The following ERBB4 variants were observed in gnomAD, a reference collection of about 807,000 sequenced individuals.
ERBB4 encodes the protein receptor tyrosine-protein kinase erbB-4.
A neutral mutation model predicts 158.0 loss-of-function variants in ERBB4; 42 were observed. The ratio of observed to expected loss-of-function variants is 0.27; its 90% CI spans 0.21 to 0.34. ERBB4 has a LOEUF of 0.34. Ranked by LOEUF, ERBB4 falls within the 10% of genes least tolerant of loss-of-function variation. The probability of loss-of-function intolerance (pLI) is 1.00; values close to 1 mark genes in which losing one functional copy is unlikely to be tolerated. For missense variants in ERBB4, 1,333 were observed against 1,624.1 expected (o/e 0.82, Z 3.08); for synonymous variants, 583 against 558.7 (o/e 1.04, Z -0.61).
chr2:212,357,354 A>C (rs1272762808), intron 1 of ERBB4, among the ~76,000 whole-genome samples: 1 of 151,920 alleles, frequency 6.6e-6, no homozygotes, highest in East Asian at 1.9e-4. Flanking sequence ...GCTCAAGTGG[A>C]TCCATCTGTC....
intron 3 of ERBB4, among the ~76,000 whole-genome samples, chr2:211,861,112 TA>T (rs1245236596): frequency 0.026 from 756 of 28,934 alleles, 73 homozygotes; most frequent in East Asian, 0.051. Context: ...TATATATATT[TA>T]TATATATATT....
intron 12 of ERBB4, among the ~76,000 whole-genome samples, chr2:211,680,595 A>C (rs2072292348): frequency 6.6e-6 from 1 of 152,192 alleles, no homozygotes; most frequent in Non-Finnish European, 1.5e-5. Context: ...TGTGAAAGTT[A>C]ACTTCTCTAA....
At chr2:211,694,167 G>A (rs182174756) in intron 12 of ERBB4, among the ~76,000 whole-genome samples, 1 of 152,240 alleles carries the variant, frequency 6.6e-6, no homozygotes, top group East Asian at 1.9e-4. Context: ...CAGGGGTCAG[G>A]ACTTCAGCAT....
intron 1 of ERBB4, among the ~76,000 whole-genome samples, chr2:212,138,259 T>C (rs1310294880): frequency 1.3e-5 from 2 of 152,158 alleles, no homozygotes; most frequent in Non-Finnish European, 2.9e-5. Context: ...TCGTTTTGTA[T>C]AAAAGTTAGA....
intron 1 of ERBB4, among the ~76,000 whole-genome samples, chr2:212,382,200 AT>A (rs1440099669): frequency 8.0e-6 from 1 of 125,696 alleles, no homozygotes. Flanking sequence ...ACACATATAA[AT>A]ATATATTATA....
At chr2:212,137,295 A>G (rs1264403912) in intron 1 of ERBB4, among the ~76,000 whole-genome samples, 1 of 152,080 alleles carries the variant, frequency 6.6e-6, no homozygotes, top group Non-Finnish European at 1.5e-5. Flanking sequence ...CTTAGTACAC[A>G]TTAGTTATTT....
intron 1 of ERBB4, among the ~76,000 whole-genome samples, chr2:212,509,660 A>T (rs1205557474): frequency 6.6e-6 from 1 of 152,032 alleles, no homozygotes; most frequent in African/African-American, 2.4e-5. Context: ...ACAAATTTCA[A>T]TTCTGCCTCC....
intron 3 of ERBB4, among the ~76,000 whole-genome samples, chr2:211,857,963 G>A (rs183709864): frequency 1.3e-5 from 2 of 152,334 alleles, no homozygotes; most frequent in East Asian, 3.9e-4. Flanking sequence ...TCCAGGATCT[G>A]AGAAGTTATT....
At chr2:211,520,461 C>T (rs961016088) in intron 20 of ERBB4, among the ~76,000 whole-genome samples, 8 of 152,024 alleles carry the variant, frequency 5.3e-5, no homozygotes, top group South Asian at 2.1e-4. Flanking sequence ...TTCTGTACTG[C>T]CTGCAAACTA....
chr2:212,487,377 A>G (rs1223463101), intron 1 of ERBB4, among the ~76,000 whole-genome samples: 2 of 152,140 alleles, frequency 1.3e-5, no homozygotes, highest in South Asian at 2.1e-4. Context: ...AAAACACTAT[A>G]AAATCCTTAT....
chr2:212,289,300 C>T (rs1177065098), intron 1 of ERBB4, among the ~76,000 whole-genome samples: 1 of 152,036 alleles, frequency 6.6e-6, no homozygotes, highest in Non-Finnish European at 1.5e-5. Context: ...TCTTTTTAAG[C>T]AGAGAACTCC....
At chr2:211,978,953 T>C (rs957001370) in intron 2 of ERBB4, among the ~76,000 whole-genome samples, 1 of 152,152 alleles carries the variant, frequency 6.6e-6, no homozygotes, top group Non-Finnish European at 1.5e-5. Context: ...ATACTTCTCT[T>C]GAAAGTCCAT....
At chr2:211,982,041 T>C (rs1187399465) in intron 2 of ERBB4, among the ~76,000 whole-genome samples, 1 of 151,996 alleles carries the variant, frequency 6.6e-6, no homozygotes, top group Non-Finnish European at 1.5e-5. Context: ...ATTTTTAAAA[T>C]ACTATTATTT....
At chr2:212,434,880 A>G (rs1399398228) in intron 1 of ERBB4, among the ~76,000 whole-genome samples, 14 of 152,018 alleles carry the variant, frequency 9.2e-5, no homozygotes, top group Non-Finnish European at 1.5e-5. Context: ...CAACAAGTTT[A>G]CTGCTCAACA....
At position 212,527,908 on chromosome 2, in the gene ERBB4, G is replaced by T. The variant is rs1245809541; in HGVS notation, c.82+10541C>A. ...GTGATGTTCCCCTTCCTGTGTCCCT[G>T]TGTTCTCATTGTCCAATTCCCATCT... On this transcript the variant is annotated intron_variant, in intron 1 of 27. Coordinates refer to ENST00000342788, the MANE Select transcript of ERBB4 (RefSeq NM_005235.3). 1.6e-5 allele frequency among the ~76,000 whole-genome samples: 2 copies of T among 128,992 alleles called. 1 individual carries two copies. The highest frequency in any genetic ancestry group is 9.7e-3 in the Middle Eastern group (2 of 206). The allele number at this position is 128,992 out of a possible 152,430, so 84.6% of individuals were successfully genotyped here.
intron 3 of ERBB4, among the ~76,000 whole-genome samples, chr2:211,886,637 T>C (rs971560606): frequency 6.6e-6 from 1 of 152,216 alleles, no homozygotes; most frequent in Non-Finnish European, 1.5e-5. Flanking sequence ...AAGTTTCACA[T>C]GGCATCTTGG....
rs752087435 is a variant in ERBB4 at position 211,387,041 on chromosome 2, G to A, written c.3293C>T (p.Thr1098Ile). 1 of 1,614,046 alleles carries A rather than the reference G, an allele frequency of 6.2e-7. No homozygotes were observed. The highest frequency in any genetic ancestry group is 1.1e-5 in the South Asian group (1 of 91,072). The change falls in exon 27 of 28, where the codon ACT (threonine) becomes ATT (isoleucine). Residue 1098 changes from threonine to isoleucine, a missense_variant. Physicochemically the swap from Thr to Ile is moderately conservative, Grantham distance 89. Transcript: ENST00000342788. ...IPEAPVAQGATAEIFDDSCCN... is the reference protein window; with the variant it reads ...IPEAPVAQGAIAEIFDDSCCN... ...GCAGGAGTCATCAAAAATCTCAGCA[G>A]TAGCACCCTGTGCCACAGGAGCTTC...
At chr2:211,414,225 G>A (rs1032712023) in intron 25 of ERBB4, among the ~76,000 whole-genome samples, 43 of 152,108 alleles carry the variant, frequency 2.8e-4, no homozygotes, top group African/African-American at 9.4e-4. Context: ...GTGACCTGGC[G>A]TGGTGGCTCA....
At chr2:211,614,135 G>A (rs923197285) in intron 19 of ERBB4, among the ~76,000 whole-genome samples, 1 of 151,904 alleles carries the variant, frequency 6.6e-6, no homozygotes, top group Non-Finnish European at 1.5e-5. Flanking sequence ...GGATAGAACC[G>A]GAGATCATTA....
Sources: gnomAD v4.1 joint callset for allele counts (sites outside exome capture counted in the v4.1 genomes callset) on GRCh38, gnomAD v4.1.1 for gene constraint, MANE v1.5 for transcripts, NCBI Gene and HGNC (gene_info 2026-07-23, HGNC 2026-07-21) for gene names.